Variants in CMSS1 observed in about 807,000 individuals in gnomAD.
CMSS1 encodes the protein cms1 ribosomal small subunit homolog.
In CMSS1, 33 loss-of-function variants were observed where a neutral mutation model predicts 43.5. The observed-to-expected ratio is 0.76, with a 90% confidence interval of 0.57 to 1.01. The LOEUF (loss-of-function observed/expected upper bound fraction) is 1.01. Ranked by LOEUF, CMSS1 falls within the 50% of genes least tolerant of loss-of-function variation. The pLI is 0.00. For missense variants in CMSS1, 313 were observed against 326.4 expected (o/e 0.96, Z 0.32); for synonymous variants, 115 against 117.2 (o/e 0.98, Z 0.12).
chr3:100,106,619 T>A (rs2066399545), intron 1 of CMSS1, among the ~76,000 whole-genome samples: 2 of 152,142 alleles, frequency 1.3e-5, no homozygotes, highest in South Asian at 4.1e-4. Flanking sequence ...CTAACTGTGT[T>A]TCCCTGGTAA....
chr3:99,954,340 T>G (rs1708259468), intron 1 of CMSS1, among the ~76,000 whole-genome samples: 1 of 152,204 alleles, frequency 6.6e-6, no homozygotes, highest in African/African-American at 2.4e-5. Context: ...AGACACACTT[T>G]GGGCCAGTAT....
chr3:100,136,077 C>T (rs1213453224), intron 1 of CMSS1, among the ~76,000 whole-genome samples: 2 of 152,210 alleles, frequency 1.3e-5, no homozygotes, highest in African/African-American at 4.8e-5. Flanking sequence ...GGATCACCCA[C>T]TCTCCTTTCC....
intron 1 of CMSS1, chr3:99,876,290 C>CGCG (rs1416817170): frequency 4.6e-6 from 4 of 870,208 alleles, no homozygotes; most frequent in Non-Finnish European, 4.1e-6. Flanking sequence ...GACCCTCGGC[C>CGCG]GCGGCGGCGG....
chr3:100,091,178 G>A (rs1438997598), intron 1 of CMSS1, among the ~76,000 whole-genome samples: 1 of 151,736 alleles, frequency 6.6e-6, no homozygotes, highest in East Asian at 1.9e-4. Flanking sequence ...CCAGCTACTC[G>A]GGAGGCTGAG....
chr3:100,089,101 A>G (rs1464935783), intron 1 of CMSS1, among the ~76,000 whole-genome samples: 2 of 152,162 alleles, frequency 1.3e-5, no homozygotes, highest in Non-Finnish European at 2.9e-5. Flanking sequence ...CCATTTCCCT[A>G]CCAGTAAAGT....
At position 100,086,231 on chromosome 3, in the gene CMSS1, G is replaced by T. The variant is rs140265738; in HGVS notation, c.65-60742G>T. Among the ~76,000 whole-genome samples, 4 of 152,260 alleles carry T rather than the reference G, an allele frequency of 2.6e-5. 1 individual carries two copies. The South Asian group carries it at 8.3e-4, about 32-fold the overall frequency. ...GCTTTATTTTATTCAGTCTCAAATA[G>T]TTAACCTATTGAGCTGATTAGAAAA... is the stretch of plus-strand genomic sequence containing the variant. On this transcript the variant is annotated intron_variant, in intron 1 of 9. Transcript: ENST00000421999.
chr3:100,178,781 A>C lies in CMSS1; in HGVS notation c.*393A>C, dbSNP rs975388363. On this transcript the variant is annotated 3_prime_UTR_variant, in exon 10 of 10. Transcript: ENST00000421999. ...AGCATTGTTGAGGATTCCAGGAGAT[A>C]GTACATGGGGAGCAGATTTGTAAAC... The C allele has an allele frequency of 5.9e-6, 1 of 169,082 alleles. No homozygotes were observed. The highest frequency in any genetic ancestry group is 1.3e-5 in the Non-Finnish European group (1 of 77,830). The allele number at this position is 169,082 out of a possible 1,614,324, so 10.5% of individuals were successfully genotyped here. A position where few individuals can be genotyped will look rare whatever the true frequency, so the allele number is the denominator to read the frequency against.
chr3:100,111,473 C>G (rs2107477842), intron 1 of CMSS1, among the ~76,000 whole-genome samples: 1 of 152,234 alleles, frequency 6.6e-6, no homozygotes, highest in African/African-American at 2.4e-5. Flanking sequence ...TACATAGGGT[C>G]AAGTGCGTAA....
At position 100,062,093 on chromosome 3, in the gene CMSS1, C is replaced by CTTTTTTTTTTTTTTTTTTTTT. The variant is rs71907944; in HGVS notation, c.65-84864_65-84844dup. 2.6e-4 allele frequency among the ~76,000 whole-genome samples: 14 copies of CTTTTTTTTTTTTTTTTTTTTT among 53,154 alleles called. 3 individuals are homozygous for CTTTTTTTTTTTTTTTTTTTTT. The highest frequency in any genetic ancestry group is 4.5e-4 in the African/African-American group (5 of 11,212). The allele number at this position is 53,154 out of a possible 152,430, so 34.9% of individuals were successfully genotyped here. Reference sequence around the variant, plus strand: ...CCACTTGTGGTTATCCTGTCTTCTTCTTTTTTTTTTTTTTTTTTTTTTTTT... The same window carrying CTTTTTTTTTTTTTTTTTTTTT: ...CCACTTGTGGTTATCCTGTCTTCTTCTTTTTTTTTTTTTTTTTTTTTTTTTTTTTTTTTTTTTTTTTTTTTT... On this transcript the variant is annotated intron_variant, in intron 1 of 9. Transcript: ENST00000421999.
At chr3:99,993,462 C>T (rs1709583410) in intron 1 of CMSS1, among the ~76,000 whole-genome samples, 2 of 151,904 alleles carry the variant, frequency 1.3e-5, no homozygotes, top group South Asian at 4.2e-4. Context: ...ATTTGAATGC[C>T]TCTTATTTCT....
chr3:99,892,629 G>A (rs1706119587), intron 1 of CMSS1, among the ~76,000 whole-genome samples: 1 of 152,108 alleles, frequency 6.6e-6, no homozygotes, highest in Non-Finnish European at 1.5e-5. Context: ...ATCCAAACCT[G>A]CAACACCCAG....
chr3:99,950,853 TAAAG>T lies in CMSS1; in HGVS notation c.64+132812_64+132815del, dbSNP rs139068211. Among the ~76,000 whole-genome samples, 963 of 151,490 alleles carry T rather than the reference TAAAG, an allele frequency of 6.4e-3. 7 individuals are homozygous for T. The highest frequency in any genetic ancestry group is 0.018 in the African/African-American group (744 of 41,228). On this transcript the variant is annotated intron_variant, in intron 1 of 9. Transcript: ENST00000421999. ...CCCAAGATTAAAAGGAGAGTAAAAA[TAAAG>T]AGAGAGAGAGAGAAAGAAAGAGAGA...
At chr3:100,145,321 G>A (rs2066839637) in intron 1 of CMSS1, among the ~76,000 whole-genome samples, 1 of 152,086 alleles carries the variant, frequency 6.6e-6, no homozygotes, top group Admixed American at 6.5e-5. Context: ...GGTGGTGGGT[G>A]CCTGTGATCC....
rs181106465 is a variant in CMSS1 at position 100,141,407 on chromosome 3, C to A, written c.65-5566C>A. 7.4e-5 allele frequency: 24 copies of A among 324,934 alleles called. No homozygotes were observed. The East Asian group carries it at 1.7e-3, about 23-fold the overall frequency. The allele number at this position is 324,934 out of a possible 1,614,324, so 20.1% of individuals were successfully genotyped here. A position where few individuals can be genotyped will look rare whatever the true frequency, so the allele number is the denominator to read the frequency against. The stretch of plus-strand genomic sequence containing the variant: ...ATCCAGCACTACTCCCTGGGAGATA[C>A]GTGGCAGGAGAATTCTGAGTGGAAA... On this transcript the variant is annotated intron_variant, in intron 1 of 9. Transcript: ENST00000421999.
chr3:100,114,144 A>G (rs2066534672), intron 1 of CMSS1: 2 of 152,050 alleles, frequency 1.3e-5, no homozygotes, highest in Middle Eastern at 3.4e-3. Flanking sequence ...GACCAACAAC[A>G]ACGTTTTCTT....
chr3:100,084,463 C>G (rs991538481), intron 1 of CMSS1, among the ~76,000 whole-genome samples: 1 of 152,062 alleles, frequency 6.6e-6, no homozygotes, highest in East Asian at 1.9e-4. Flanking sequence ...TATAGAAAAA[C>G]TCAAAGAAAA....
intron 1 of CMSS1, among the ~76,000 whole-genome samples, chr3:99,853,875 C>T (rs1343828902): frequency 6.6e-6 from 1 of 152,086 alleles, no homozygotes; most frequent in Non-Finnish European, 1.5e-5. Context: ...AAAACTATAC[C>T]CATAGCCATC....
At chr3:100,097,283 T>G (rs1306472260) in intron 1 of CMSS1, among the ~76,000 whole-genome samples, 1 of 152,166 alleles carries the variant, frequency 6.6e-6, no homozygotes, top group Non-Finnish European at 1.5e-5. Context: ...ACAAAACCAG[T>G]CCCTGGTGCC....
intron 1 of CMSS1, among the ~76,000 whole-genome samples, chr3:100,021,233 C>A (rs1306321673): frequency 1.3e-5 from 2 of 152,170 alleles, no homozygotes; most frequent in Non-Finnish European, 2.9e-5. Flanking sequence ...TTGGAAGTAG[C>A]TGAATTTCTA....
Sources: allele counts gnomAD v4.1 joint callset (sites outside exome capture counted in the v4.1 genomes callset), GRCh38; gene constraint gnomAD v4.1.1; transcripts MANE v1.5; gene names NCBI Gene and HGNC (gene_info 2026-07-23, HGNC 2026-07-21).